The following LRRK1 variants were observed in gnomAD, a reference collection of about 807,000 sequenced individuals.
LRRK1 encodes the protein leucine-rich repeat serine/threonine-protein kinase 1.
Under a neutral mutation model 209.1 loss-of-function variants are expected in LRRK1, and 113 were observed. That is an observed-to-expected ratio of 0.54 (90% CI 0.46 to 0.63). LRRK1 has a LOEUF of 0.63. LRRK1 is among the 30% of genes least tolerant of loss of function. LRRK1 has a pLI of 0.00. For missense variants in LRRK1, 2,284 were observed against 2,632.2 expected (o/e 0.87, Z 2.89); for synonymous variants, 1,144 against 1,099.7 (o/e 1.04, Z -0.80).
chr15:100,985,440 G>A (rs1038639188), intron 4 of LRRK1, among the ~76,000 whole-genome samples: 7 of 152,182 alleles, frequency 4.6e-5, no homozygotes, highest in African/African-American at 1.4e-4. Context: ...CAGCCATTTA[G>A]TACCTCCTGG....
intron 2 of LRRK1, among the ~76,000 whole-genome samples, chr15:100,972,809 T>C (rs1451457961): frequency 6.6e-6 from 1 of 152,182 alleles, no homozygotes; most frequent in Non-Finnish European, 1.5e-5. Context: ...CAACTGCTCA[T>C]CCATCGCAGT....
intron 20 of LRRK1, among the ~76,000 whole-genome samples, chr15:101,040,416 C>A (rs1193389837): frequency 6.6e-6 from 1 of 151,912 alleles, no homozygotes; most frequent in African/African-American, 2.4e-5. Flanking sequence ...CTCATTCTTT[C>A]TTGATCAGTC....
At chr15:101,034,553 C>T (rs9806201) in intron 20 of LRRK1, among the ~76,000 whole-genome samples, 10,031 of 152,160 alleles carry the variant, frequency 0.066, 1,045 homozygotes, top group African/African-American at 0.23. Context: ...TGTTGAGAAT[C>T]AGTTGACTGT....
At chr15:101,013,762 C>G (rs2033396629) in intron 10 of LRRK1, among the ~76,000 whole-genome samples, 1 of 152,304 alleles carries the variant, frequency 6.6e-6, no homozygotes, top group African/African-American at 2.4e-5. Flanking sequence ...AGGGGCACCC[C>G]AGACATGCTG....
intron 2 of LRRK1, among the ~76,000 whole-genome samples, chr15:100,929,375 C>A (rs1333657232): frequency 6.6e-6 from 1 of 152,126 alleles, no homozygotes; most frequent in Non-Finnish European, 1.5e-5. Flanking sequence ...CAGCATGGAC[C>A]AAAGGAGGAG....
At chr15:101,012,930 C>G (rs971414893) in intron 10 of LRRK1, among the ~76,000 whole-genome samples, 1 of 152,164 alleles carries the variant, frequency 6.6e-6, no homozygotes, top group Non-Finnish European at 1.5e-5. Flanking sequence ...TCATACTCCT[C>G]GCAGGGTACT....
chr15:101,037,713 G>A (rs951213863), intron 20 of LRRK1, among the ~76,000 whole-genome samples: 3 of 152,152 alleles, frequency 2.0e-5, no homozygotes, highest in African/African-American at 7.2e-5. Flanking sequence ...AGCCCCAGGG[G>A]TAGCAGCCCA....
chr15:101,038,810 G>A (rs2034607232), intron 20 of LRRK1, among the ~76,000 whole-genome samples: 1 of 152,134 alleles, frequency 6.6e-6, no homozygotes. Flanking sequence ...GTCCCTCCCA[G>A]CAGCATGGCA....
rs746614449 is a variant in LRRK1, at chr15:101,066,636, T to C, written c.5769-4T>C. On this transcript the variant is annotated splice_polypyrimidine_tract_variant and splice_region_variant and intron_variant, in intron 32 of 33. Coordinates refer to ENST00000388948, the MANE Select transcript of LRRK1 (RefSeq NM_024652.6). ...GCTTCCCCTTCTGGGTTTTGGTTGC[T>C]TAGGCGCGGTGGAGATGTTATCGTC... 6.2e-7 allele frequency: 1 copy of C among 1,614,036 alleles called. No individual in the cohort carries two copies. Among genetic ancestry groups the C allele is most frequent in the Admixed American group, 1.7e-5 (1 of 60,014 alleles).
intron 2 of LRRK1, among the ~76,000 whole-genome samples, chr15:100,931,934 C>G (rs2042220045): frequency 6.6e-6 from 1 of 152,184 alleles, no homozygotes; most frequent in Non-Finnish European, 1.5e-5. Context: ...TCTTGGCCCC[C>G]TTTCCATCAT....
At chr15:100,953,983 T>C (rs2042705881) in intron 2 of LRRK1, among the ~76,000 whole-genome samples, 1 of 152,128 alleles carries the variant, frequency 6.6e-6, no homozygotes, top group South Asian at 2.1e-4. Flanking sequence ...TGGCACAATC[T>C]CGGCTCACTG....
rs746010824 is a variant in LRRK1 at position 101,061,141 on chromosome 15, C to G, written c.4680-30C>G. ...AAGGAGGCAGCCCCTGGCCCCCGGG[C>G]ACTGACAGCACAGTTTCTGCCACTT... On this transcript the variant is annotated intron_variant, in intron 29 of 33. Coordinates refer to ENST00000388948, the MANE Select transcript of LRRK1 (RefSeq NM_024652.6). The G allele has an allele frequency of 7.1e-6, 11 of 1,547,564 alleles. No individual in the cohort carries two copies. In the Admixed American group the frequency reaches 1.2e-4, roughly 17 times the overall value.
intron 2 of LRRK1, among the ~76,000 whole-genome samples, chr15:100,941,456 C>CTGTGTGTG (rs1567191180): frequency 5.3e-4 from 3 of 5,658 alleles, no homozygotes; most frequent in Admixed American, 2.9e-3. Flanking sequence ...CTGTGTGTGT[C>CTGTGTGTG]TATGTCTCTG....
Position 101,061,245 on chromosome 15 carries a change from G to C in LRRK1, c.4754G>C (p.Ser1585Thr). 1 of 1,614,150 alleles carries C rather than the reference G, an allele frequency of 6.2e-7. No homozygotes were observed. The highest frequency in any genetic ancestry group is 8.5e-7 in the Non-Finnish European group (1 of 1,179,998). Residue 1585 changes from serine (S) to threonine (T), a missense_variant, in exon 30 of 34, where the codon AGC (serine) becomes ACC (threonine). Coordinates refer to ENST00000388948, the MANE Select transcript of LRRK1 (RefSeq NM_024652.6). ...ATGTGCTGCCCTGGGATGAAGGTGA[G>C]CTGCCAGCTCCAGGTCCAGAGATCC... Reference protein sequence around the residue: ...QRMCCPGMKVSCQLQVQRSLW... With the variant: ...QRMCCPGMKVTCQLQVQRSLW...
In LRRK1 at chr15:101,052,968, A is replaced by G; in HGVS notation, c.3736A>G (p.Ser1246Gly). 6.2e-7 allele frequency: 1 copy of G among 1,612,050 alleles called. No homozygotes were observed. Among genetic ancestry groups the G allele is most frequent in the Non-Finnish European group, 8.5e-7 (1 of 1,178,738 alleles). Reference protein sequence around the residue: ...SKLEHSEDEGSVLGQGGSGTV... With the variant: ...SKLEHSEDEGGVLGQGGSGTV... ...GCTGGAGCACAGCGAGGACGAGGGC[A>G]GCGTCCTGGGCCAGGGCGGCAGTGG... Residue 1246 changes from serine to glycine, a missense_variant, in exon 25 of 34, where the codon AGC becomes GGC. Physicochemically the swap from Ser to Gly is moderately conservative, Grantham distance 56. Around this residue, in one of 6 missense-constraint regions of LRRK1, gnomAD observed 780 missense variants for 985.2 expected, o/e 0.79. Coordinates refer to ENST00000388948, the MANE Select transcript of LRRK1 (RefSeq NM_024652.6).
At chr15:101,066,288 C>T (rs2036527972) in intron 32 of LRRK1, 83 bp downstream of exon 32, 1 of 1,499,070 alleles carries the variant, frequency 6.7e-7, no homozygotes, top group Non-Finnish European at 8.9e-7. Context: ...AGCCCCCTGG[C>T]TTCCTTACAG....
chr15:101,014,138 TATC>T (rs2033418711), intron 10 of LRRK1, among the ~76,000 whole-genome samples, 175 bp from the exon 11 acceptor site: 1 of 152,132 alleles, frequency 6.6e-6, no homozygotes, highest in South Asian at 2.1e-4. Context: ...CACTGTTTGA[TATC>T]ATTTCGTGAG....
chr15:100,971,060 G>T (rs761728623), intron 2 of LRRK1, among the ~76,000 whole-genome samples: 1 of 152,284 alleles, frequency 6.6e-6, no homozygotes, highest in Non-Finnish European at 1.5e-5. Context: ...AAGGCCAGGC[G>T]CAGCGGCTCA....
chr15:101,060,132 G>A (rs1211981516), intron 29 of LRRK1, among the ~76,000 whole-genome samples: 7 of 152,112 alleles, frequency 4.6e-5, no homozygotes, highest in Non-Finnish European at 1.0e-4. Flanking sequence ...GGGAGGAGGG[G>A]GCTGGCTGGG....
Sources: gnomAD v4.1 joint callset for allele counts (sites outside exome capture counted in the v4.1 genomes callset) on GRCh38, gnomAD v4.1.1 for gene constraint, gnomAD v4.1.1 regional missense constraint, MANE v1.5 for transcripts, NCBI Gene and HGNC (gene_info 2026-07-23, HGNC 2026-07-21) for gene names.